The following ERI2 variants were observed in gnomAD, a reference collection of about 807,000 sequenced individuals.
ERI2 encodes the protein ERI1 exoribonuclease family member 2, also known as ERI1 exoribonuclease 2.
A neutral mutation model predicts 46.8 loss-of-function variants in ERI2; 35 were observed. The observed-to-expected ratio is 0.75, with a 90% CI of 0.57 to 0.99. The LOEUF (loss-of-function observed/expected upper bound fraction) is 0.99, where lower values mean the gene tolerates loss of function less well. Among genes scored for constraint, ERI2 ranks in the 50% least tolerant of loss-of-function variants. ERI2 has a pLI of 0.00. For missense variants in ERI2, 695 were observed against 796.2 expected (o/e 0.87, Z 1.53); for synonymous variants, 224 against 271.0 (o/e 0.83, Z 1.70).
Position 20,803,477 on chromosome 16 carries a change from G to A in ERI2, c.131C>T (p.Ser44Leu), listed in dbSNP as rs200942956. ...FDYLIVIDFESTCWNDGKHHH... is the reference protein window; with the variant it reads ...FDYLIVIDFELTCWNDGKHHH... ...GTGCTTCCCATCATTCCAGCATGTC[G>A]ATTCAAAATCAATGACAATTAAGTA... The change falls in exon 3 of 9, where the codon TCG (serine) becomes TTG (leucine). Residue 44 changes from serine (S) to leucine (L), a missense_variant. By Grantham distance (145) the Ser-to-Leu change is moderately radical. Coordinates refer to ENST00000357967, the MANE Select transcript of ERI2 (RefSeq NM_001142725.2). The A allele has an allele frequency of 2.4e-5, 38 of 1,613,910 alleles. No homozygotes were observed. The highest frequency in any genetic ancestry group is 1.6e-4 in the Middle Eastern group (1 of 6,062).
intron 10 of ERI2, among the ~76,000 whole-genome samples, chr16:20,788,759 A>G (rs1482891800): frequency 6.6e-6 from 1 of 152,256 alleles, no homozygotes; most frequent in East Asian, 1.9e-4. Flanking sequence ...CTATATTCCC[A>G]TCTATTAAAA....
At chr16:20,788,041 T>C (rs894298928) in intron 10 of ERI2, among the ~76,000 whole-genome samples, 2 of 152,190 alleles carry the variant, frequency 1.3e-5, no homozygotes, top group African/African-American at 4.8e-5. Flanking sequence ...TAGTACATAA[T>C]AAAGGTCCAA....
chr16:20,786,326 T>A, intron 10 of ERI2: 1 of 1,336,868 alleles, frequency 7.5e-7, no homozygotes, highest in Non-Finnish European at 9.9e-7. Flanking sequence ...GTTAGCTTCT[T>A]GGTCTCCATT....
At chr16:20,780,863 C>T in intron 10 of ERI2, 15 of 1,614,182 alleles carry the variant, frequency 9.3e-6, no homozygotes, top group Non-Finnish European at 1.2e-5. Flanking sequence ...GGAAGGTATA[C>T]TTTCACAAAA....
intron 10 of ERI2, chr16:20,781,216 G>C: frequency 6.8e-7 from 1 of 1,469,236 alleles, no homozygotes; most frequent in Middle Eastern, 1.8e-4. Context: ...AACTTGCAGA[G>C]ATCAGAGTAG....
At chr16:20,781,760 G>C (rs267604443) in intron 10 of ERI2, 63 of 1,612,444 alleles carry the variant, frequency 3.9e-5, no homozygotes, top group Non-Finnish European at 4.9e-5. Context: ...ACTGTATACC[G>C]AATGCTTGTA....
At chr16:20,786,256 G>A in intron 10 of ERI2, 3 of 1,482,400 alleles carry the variant, frequency 2.0e-6, no homozygotes, top group Non-Finnish European at 2.7e-6. Flanking sequence ...TTATGATGGT[G>A]ATTCCATTTT....
intron 10 of ERI2, chr16:20,785,187 A>G: frequency 6.4e-7 from 1 of 1,551,762 alleles, no homozygotes; most frequent in Non-Finnish European, 8.8e-7. Flanking sequence ...CAGTCTCCTT[A>G]TGATTATTTG....
chr16:20,789,660 A>G, intron 9 of ERI2: 2 of 719,104 alleles, frequency 2.8e-6, no homozygotes, highest in Non-Finnish European at 4.9e-6. Context: ...GCAAAACTGT[A>G]TATTATAAAG....
Position 20,796,731 on chromosome 16 carries a change from C to A in ERI2, c.*993G>T. 1 of 1,497,816 alleles carries A rather than the reference C, an allele frequency of 6.7e-7. No individual in the cohort carries two copies. Among genetic ancestry groups the A allele is most frequent in the South Asian group, 1.4e-5 (1 of 74,044 alleles). The allele number at this position is 1,497,816 out of a possible 1,614,324, so 92.8% of individuals were successfully genotyped here. On this transcript the variant is annotated 3_prime_UTR_variant, in exon 9 of 9. Coordinates refer to ENST00000357967, the MANE Select transcript of ERI2 (RefSeq NM_001142725.2). ...CTTAATATCAAGACAACTTTCCTAA[C>A]AATACCCTTTTCCCTATTTTGGCTG...
At chr16:20,799,590 T>G (rs2080774186) in intron 7 of ERI2, 2 of 514,060 alleles carry the variant, frequency 3.9e-6, no homozygotes, top group African/African-American at 1.9e-5. Context: ...GAAAATGTAT[T>G]AGACAGTTCC....
chr16:20,781,918 T>C, intron 10 of ERI2: 2 of 652,542 alleles, frequency 3.1e-6, no homozygotes, highest in South Asian at 3.8e-5. Flanking sequence ...CTCCTCTTCC[T>C]CTTTCTCCTT....
At chr16:20,786,544 A>G (rs1010168140) in intron 10 of ERI2, among the ~76,000 whole-genome samples, 1 of 152,178 alleles carries the variant, frequency 6.6e-6, no homozygotes, top group Non-Finnish European at 1.5e-5. Flanking sequence ...CTAGCCAGGC[A>G]TGGTGGTACG....
In ERI2 at chr16:20,780,882, T is replaced by TA. The variant is rs770203321; in HGVS notation, c.895-149_895-148insT. On this transcript the variant is annotated intron_variant, in intron 10 of 10. Transcript: ENST00000300005. ...GGTATACTTTCACAAAAGTGCAGCTTGAAGTGTCAAAACTGCAAAGATGAT... is the reference window on the plus strand; with the variant it reads ...GGTATACTTTCACAAAAGTGCAGCTTAGAAGTGTCAAAACTGCAAAGATGAT... 21 of 1,613,840 alleles carry TA rather than the reference T, an allele frequency of 1.3e-5. No individual in the cohort carries two copies. The African/African-American group carries it at 2.3e-4, about 17-fold the overall frequency.
chr16:20,793,073 G>A (rs1424316511), downstream of ERI2, among the ~76,000 whole-genome samples: 2 of 152,180 alleles, frequency 1.3e-5, no homozygotes, highest in Non-Finnish European at 2.9e-5. Flanking sequence ...TCTGTACCAT[G>A]TATTCAAGCT....
Position 20,780,806 on chromosome 16 carries a change from T to C in ERI2, c.895-72A>G, listed in dbSNP as rs767542975. ...AGTGGAACAAGTGGATATCCGAAAA[T>C]GACTGCACACACCCACAGCAGTTTT... is the stretch of plus-strand genomic sequence containing the variant. On this transcript the variant is annotated intron_variant, in intron 10 of 10. Coordinates refer to the ERI2 transcript ENST00000300005. 1.9e-6 allele frequency: 3 copies of C among 1,614,058 alleles called. No homozygotes were observed. In the African/African-American group the frequency reaches 4.0e-5, roughly 22 times the overall value.
In ERI2 at chr16:20,806,427, CCATTCCCGA is replaced by C. The variant is rs1404323372; in HGVS notation, c.-6_3del. The C allele has an allele frequency of 6.4e-7, 1 of 1,553,196 alleles. No homozygotes were observed. The highest frequency in any genetic ancestry group is 2.4e-5 in the East Asian group (1 of 41,132). On this transcript the variant is annotated start_lost and 5_prime_UTR_variant, in exon 1 of 9. Transcript: ENST00000357967. Reference sequence around the variant, plus strand: ...GAGTACCGCGCGAGCCGCTTGGTCGCCATTCCCGACACTCCTTGCTTTTCCAAGTCCAGC... The same window carrying C: ...GAGTACCGCGCGAGCCGCTTGGTCGCCACTCCTTGCTTTTCCAAGTCCAGC...
chr16:20,788,362 T>C (rs1321094653), intron 10 of ERI2, among the ~76,000 whole-genome samples: 1 of 152,220 alleles, frequency 6.6e-6, no homozygotes, highest in African/African-American at 2.4e-5. Context: ...CACAGCTGTA[T>C]TCACAGTGAT....
chr16:20,799,437 C>T, intron 7 of ERI2, 86 bp from the exon 8 acceptor site: 1 of 1,263,552 alleles, frequency 7.9e-7, no homozygotes, highest in Non-Finnish European at 1.1e-6. Flanking sequence ...AAGAAAAACA[C>T]CACTTGTGTA....
Sources: gnomAD v4.1 joint callset for allele counts (sites outside exome capture counted in the v4.1 genomes callset) on GRCh38, gnomAD v4.1.1 for gene constraint, MANE v1.5 for transcripts, NCBI Gene and HGNC (gene_info 2026-07-23, HGNC 2026-07-21) for gene names.